CAMK2D: variants seen among roughly 807,000 people sequenced by gnomAD.
CAMK2D encodes the protein calcium/calmodulin-dependent protein kinase type II subunit delta.
CAMK2D carries 37 observed loss-of-function variants against 84.0 expected under a neutral mutation model. The observed-to-expected ratio is 0.44, with a 90% CI of 0.34 to 0.58. The LOEUF (loss-of-function observed/expected upper bound fraction) is 0.58, where lower values mean the gene tolerates loss of function less well. CAMK2D is among the 20% of genes least tolerant of loss of function. The pLI, the probability that CAMK2D is intolerant of heterozygous loss-of-function variation, is 0.02. For synonymous variants in CAMK2D, 202 were observed against 212.5 expected (o/e 0.95, Z 0.43); for missense variants, 448 against 652.5 (o/e 0.69, Z 3.41).
At chr4:113,736,768 A>G (rs2099582285) in intron 2 of CAMK2D, among the ~76,000 whole-genome samples, 1 of 152,182 alleles carries the variant, frequency 6.6e-6, no homozygotes, top group Non-Finnish European at 1.5e-5. Context: ...TGAAGGGCTA[A>G]AGAAAAAATG....
intron 16 of CAMK2D, among the ~76,000 whole-genome samples, chr4:113,482,408 G>A (rs1034477515): frequency 1.3e-5 from 2 of 152,070 alleles, no homozygotes; most frequent in Non-Finnish European, 2.9e-5. Context: ...TGATGATGAA[G>A]GTGTGTTAAA....
rs189622078 is a variant in CAMK2D at position 113,754,654 on chromosome 4, C to A, written c.160+4666G>T. 2.2e-4 allele frequency: 209 copies of A among 971,884 alleles called. 1 individual carries two copies. The East Asian group carries it at 0.013, about 59-fold the overall frequency. 60.2% of individuals were successfully genotyped at this position (971,884 alleles called of 1,614,324 possible). On this transcript the variant is annotated intron_variant, in intron 2 of 20. Coordinates refer to ENST00000511664, the MANE Select transcript of CAMK2D (RefSeq NM_001321571.2). The stretch of plus-strand genomic sequence containing the variant: ...ATTTAATGAAATACAGAAAAGAATT[C>A]TATTATTTCCTGGAAGTGTGGATAT...
intron 8 of CAMK2D, among the ~76,000 whole-genome samples, chr4:113,529,084 A>G (rs1320056351): frequency 3.3e-5 from 5 of 152,194 alleles, no homozygotes; most frequent in African/African-American, 9.6e-5. Flanking sequence ...CAATGAGGGT[A>G]ACATATTCCT....
At chr4:113,675,129 C>T (rs565389485) in intron 2 of CAMK2D, among the ~76,000 whole-genome samples, 30 of 152,292 alleles carry the variant, frequency 2.0e-4, no homozygotes, top group African/African-American at 6.7e-4. Context: ...TTCCCCTACC[C>T]TTGTTTTACC....
chr4:113,535,907 C>A (rs1191576151), intron 7 of CAMK2D, among the ~76,000 whole-genome samples: 4 of 152,202 alleles, frequency 2.6e-5, no homozygotes, highest in African/African-American at 9.6e-5. Flanking sequence ...TTAGCTCCTC[C>A]AGGGTCAGGA....
intron 18 of CAMK2D, among the ~76,000 whole-genome samples, chr4:113,457,970 G>C (rs762054845): frequency 5.3e-5 from 8 of 152,190 alleles, no homozygotes; most frequent in Non-Finnish European, 1.2e-4. Context: ...AGCTGACCAG[G>C]GATCTTGTGG....
At chr4:113,534,244 A>T (rs1169803476) in intron 7 of CAMK2D, among the ~76,000 whole-genome samples, 1 of 152,148 alleles carries the variant, frequency 6.6e-6, no homozygotes, top group East Asian at 1.9e-4. Context: ...TAATACTTAA[A>T]ATATATCTGG....
chr4:113,494,903 C>A (rs2097907340), intron 16 of CAMK2D, among the ~76,000 whole-genome samples: 2 of 152,318 alleles, frequency 1.3e-5, no homozygotes, highest in African/African-American at 4.8e-5. Context: ...ACCCGATTTT[C>A]CAGGTCCCGT....
intron 2 of CAMK2D, among the ~76,000 whole-genome samples, chr4:113,673,463 T>C (rs1043083935): frequency 6.6e-6 from 1 of 152,082 alleles, no homozygotes; most frequent in Admixed American, 6.5e-5. Flanking sequence ...ATCCCAAAAG[T>C]GGGGTGTAAA....
chr4:113,727,986 C>A (rs898178146), intron 2 of CAMK2D, among the ~76,000 whole-genome samples: 1 of 152,036 alleles, frequency 6.6e-6, no homozygotes, highest in Non-Finnish European at 1.5e-5. Context: ...CCCACTAGAA[C>A]GGCTAAAACA....
rs963447066 is a variant in CAMK2D at position 113,453,144 on chromosome 4, C to G, written c.*1401G>C. ...GGAAAAATGAGAAGCACAAAGAAAACCTAGGACATTTCCCTTTTTGTTTTA... is the reference window on the plus strand; with the variant it reads ...GGAAAAATGAGAAGCACAAAGAAAAGCTAGGACATTTCCCTTTTTGTTTTA... On this transcript the variant is annotated 3_prime_UTR_variant, in exon 21 of 21. Transcript: ENST00000511664. 18 of 152,218 alleles carry G rather than the reference C, an allele frequency of 1.2e-4. No individual in the cohort carries two copies. Among genetic ancestry groups the G allele is most frequent in the Admixed American group, 1.1e-3 (17 of 15,280 alleles). 9.4% of individuals were successfully genotyped at this position (152,218 alleles called of 1,614,324 possible).
At chr4:113,709,746 G>GATATATATATATATATACT (rs2099483274) in intron 2 of CAMK2D, among the ~76,000 whole-genome samples, 3 of 49,824 alleles carry the variant, frequency 6.0e-5, no homozygotes, top group African/African-American at 3.4e-4. Context: ...AGCCGTGAAC[G>GATATATATATATATATACT]ATATATATAT....
intron 4 of CAMK2D, among the ~76,000 whole-genome samples, chr4:113,608,905 G>A (rs1249779860): frequency 1.3e-5 from 2 of 152,084 alleles, no homozygotes; most frequent in East Asian, 1.9e-4. Context: ...ACATCACAAC[G>A]GACAATGCAA....
intron 12 of CAMK2D, among the ~76,000 whole-genome samples, chr4:113,512,295 G>A (rs980546324): frequency 1.3e-5 from 2 of 152,108 alleles, no homozygotes; most frequent in Admixed American, 6.5e-5. Flanking sequence ...GTAATTTCTT[G>A]GAGTAATATA....
intron 3 of CAMK2D, among the ~76,000 whole-genome samples, chr4:113,617,462 TA>T (rs201933436): frequency 0.17 from 24,181 of 142,366 alleles, 1,943 homozygotes; most frequent in East Asian, 0.31. Context: ...TACCCTGTCT[TA>T]AAAAAAAAAA....
chr4:113,456,999 T>A lies in CAMK2D; in HGVS notation c.1535+336A>T, dbSNP rs58586249. ...CTCCTCCCTATGTTTTCCTCTGATA[T>A]CCCCTTCTTCTGTCAATTGAGAAGA... On this transcript the variant is annotated intron_variant, in intron 19 of 20. Coordinates refer to ENST00000511664, the MANE Select transcript of CAMK2D (RefSeq NM_001321571.2). The A allele has an allele frequency of 5.1e-3, 1,176 of 229,086 alleles. 17 individuals are homozygous for A. Among genetic ancestry groups the A allele is most frequent in the African/African-American group, 0.025 (1,113 of 43,678 alleles). The allele number at this position is 229,086 out of a possible 1,614,324, so 14.2% of individuals were successfully genotyped here. A position where few individuals can be genotyped will look rare whatever the true frequency, so the allele number is the denominator to read the frequency against.
rs919443355 is a variant in CAMK2D, at chr4:113,696,079, C to G, written c.161-34307G>C. Among the ~76,000 whole-genome samples, 6 of 152,026 alleles carry G rather than the reference C, an allele frequency of 3.9e-5. No homozygotes were observed. The Middle Eastern group carries it at 0.01, about 259-fold the overall frequency. ...TGCCACAGATATCCACATGGCTATT[C>G]CTTTACCTCATTCAAAACTTGTCTC... On this transcript the variant is annotated intron_variant, in intron 2 of 20. Coordinates refer to ENST00000511664, the MANE Select transcript of CAMK2D (RefSeq NM_001321571.2).
chr4:113,494,762 T>C (rs1402689832), intron 16 of CAMK2D, among the ~76,000 whole-genome samples: 1 of 152,122 alleles, frequency 6.6e-6, no homozygotes, highest in East Asian at 1.9e-4. Flanking sequence ...TGCAGTTTGA[T>C]CTCAGACTGC....
intron 4 of CAMK2D, among the ~76,000 whole-genome samples, chr4:113,585,663 G>A (rs2098830628): frequency 1.2e-5 from 1 of 80,736 alleles, no homozygotes; most frequent in Non-Finnish European, 2.8e-5. Context: ...TTAGTATATA[G>A]TATAGATTAG....
Sources: gnomAD v4.1 joint callset for allele counts (sites outside exome capture counted in the v4.1 genomes callset) on GRCh38, gnomAD v4.1.1 for gene constraint, MANE v1.5 for transcripts, NCBI Gene and HGNC (gene_info 2026-07-23, HGNC 2026-07-21) for gene names.